Variants in OPN5 observed in about 807,000 individuals in gnomAD.
The protein encoded by OPN5 is opsin 5.
A neutral mutation model predicts 41.7 loss-of-function variants in OPN5; 18 were observed. The ratio of observed to expected loss-of-function variants is 0.43; its 90% CI spans 0.30 to 0.64. The LOEUF is 0.64. OPN5 is among the 30% of genes least tolerant of loss of function. The pLI, the probability that OPN5 is intolerant of heterozygous loss-of-function variation, is 0.13. For synonymous variants in OPN5, 178 were observed against 164.3 expected (o/e 1.08, Z -0.64); for missense variants, 318 against 434.5 (o/e 0.73, Z 2.38).
rs901095996 is a variant in OPN5, at chr6:47,801,552, T to TA, written c.756+5995dup. On this transcript the variant is annotated intron_variant, in intron 4 of 6. Transcript: ENST00000371211. ...ATGGGAAAGTTGAACTGTATTGCTTTAAAAAACCCCCAAAACCAATTAATT... is the reference window on the plus strand; with the variant it reads ...ATGGGAAAGTTGAACTGTATTGCTTTAAAAAAACCCCCAAAACCAATTAATT... 4.6e-5 allele frequency among the ~76,000 whole-genome samples: 7 copies of TA among 152,132 alleles called. No individual in the cohort carries two copies. In the East Asian group the frequency reaches 7.7e-4, roughly 17 times the overall value.
downstream of OPN5, chr6:47,825,501 C>G (rs1431543682): frequency 5.9e-5 from 9 of 152,124 alleles, no homozygotes; most frequent in Admixed American, 5.9e-4. Flanking sequence ...TCCCTGGCAG[C>G]TAGAAACCTT....
intron 4 of OPN5, among the ~76,000 whole-genome samples, chr6:47,797,731 A>G (rs1773622917): frequency 6.6e-6 from 1 of 152,060 alleles, no homozygotes; most frequent in Admixed American, 6.6e-5. Flanking sequence ...TCCATCCCCT[A>G]TTATGTCATT....
At chr6:47,806,883 C>A (rs542170119) in intron 4 of OPN5, among the ~76,000 whole-genome samples, 1 of 152,166 alleles carries the variant, frequency 6.6e-6, no homozygotes, top group East Asian at 1.9e-4. Context: ...GTAGGCCAGG[C>A]GCGATGGCTC....
intron 6 of OPN5, 137 bp from the exon 7 acceptor site, chr6:47,823,846 C>T: frequency 1.4e-6 from 1 of 707,622 alleles, no homozygotes; most frequent in Non-Finnish European, 2.6e-6. Context: ...GAAGCCATCT[C>T]AGTGACAATG....
At chr6:47,788,016 G>T (rs1773245583) in intron 2 of OPN5, among the ~76,000 whole-genome samples, 1 of 152,370 alleles carries the variant, frequency 6.6e-6, no homozygotes, top group South Asian at 2.1e-4. Context: ...GCACACAGCA[G>T]ATGTGTGCTT....
intron 3 of OPN5, among the ~76,000 whole-genome samples, chr6:47,794,123 T>G (rs1413645082): frequency 6.6e-6 from 1 of 152,214 alleles, no homozygotes; most frequent in Non-Finnish European, 1.5e-5. Context: ...CCTTACATTA[T>G]TTTATTTAAC....
chr6:47,797,545 G>A (rs988797072), intron 4 of OPN5, among the ~76,000 whole-genome samples: 4 of 151,972 alleles, frequency 2.6e-5, no homozygotes, highest in Non-Finnish European at 5.9e-5. Flanking sequence ...TTAGAAACTG[G>A]GCAAATGTAC....
chr6:47,795,614 A>G (rs778821663), intron 4 of OPN5, 51 bp downstream of exon 4: 1 of 1,282,968 alleles, frequency 7.8e-7, no homozygotes, highest in Non-Finnish European at 1.1e-6. Flanking sequence ...TTACAACTTC[A>G]TAGGGTACAA....
intron 4 of OPN5, among the ~76,000 whole-genome samples, chr6:47,807,457 G>A (rs1774016289): frequency 6.6e-6 from 1 of 152,164 alleles, no homozygotes; most frequent in South Asian, 2.1e-4. Context: ...AGAGACTTCT[G>A]AGGGTATTTA....
chr6:47,794,935 T>G (rs1773493959), intron 3 of OPN5: 1 of 312,240 alleles, frequency 3.2e-6, no homozygotes, highest in African/African-American at 2.1e-5. Flanking sequence ...GGGCCTCCAT[T>G]GTCTTCAGCA....
At chr6:47,791,295 TG>T (rs1773361790) in intron 2 of OPN5, among the ~76,000 whole-genome samples, 7 of 42,566 alleles carry the variant, frequency 1.6e-4, no homozygotes, top group Non-Finnish European at 4.4e-4. Context: ...CATCTATTTC[TG>T]GTAAAAAAAA....
chr6:47,799,534 G>T (rs990717890), intron 4 of OPN5, among the ~76,000 whole-genome samples: 2 of 152,010 alleles, frequency 1.3e-5, no homozygotes, highest in African/African-American at 4.8e-5. Flanking sequence ...AGTTTTCATG[G>T]GTCACTTTGC....
chr6:47,818,924 C>A (rs1334230597), intron 6 of OPN5, among the ~76,000 whole-genome samples: 1 of 151,990 alleles, frequency 6.6e-6, no homozygotes, highest in Non-Finnish European at 1.5e-5. Context: ...CTGAGACCAT[C>A]AATAAGCAAG....
intron 6 of OPN5, among the ~76,000 whole-genome samples, chr6:47,815,534 G>T (rs1172819820): frequency 6.6e-6 from 1 of 152,064 alleles, no homozygotes; most frequent in East Asian, 1.9e-4. Context: ...GAAGATATAT[G>T]TCATTAAAGT....
chr6:47,783,184 G>A (rs914575171), intron 1 of OPN5, among the ~76,000 whole-genome samples: 3 of 151,896 alleles, frequency 2.0e-5, no homozygotes, highest in African/African-American at 4.8e-5. Context: ...TAGACAGTTA[G>A]GATTTAATTT....
At chr6:47,782,279 A>T in intron 1 of OPN5, 83 bp downstream of exon 1, 2 of 1,369,326 alleles carry the variant, frequency 1.5e-6, no homozygotes, top group Non-Finnish European at 1.0e-6. Flanking sequence ...AAGGATTCTG[A>T]TACTTAAGTG....
chr6:47,821,451 A>G (rs1308990704), intron 6 of OPN5, among the ~76,000 whole-genome samples: 1 of 152,214 alleles, frequency 6.6e-6, no homozygotes, highest in African/African-American at 2.4e-5. Context: ...TTTGTGAGGA[A>G]GAGCACACTG....
At chr6:47,807,466 T>TAA (rs1774017910) in intron 4 of OPN5, among the ~76,000 whole-genome samples, 1 of 152,204 alleles carries the variant, frequency 6.6e-6, no homozygotes, top group African/African-American at 2.4e-5. Flanking sequence ...TGAGGGTATT[T>TAA]AAAACCCTAT....
chr6:47,811,872 G>A (rs1000658747), intron 6 of OPN5, 141 bp downstream of exon 6: 1 of 496,686 alleles, frequency 2.0e-6, no homozygotes, highest in Non-Finnish European at 3.5e-6. Flanking sequence ...CAAGCCAGGG[G>A]TTGCTGGGAA....
Sources: allele counts gnomAD v4.1 joint callset (sites outside exome capture counted in the v4.1 genomes callset), GRCh38; gene constraint gnomAD v4.1.1; transcripts MANE v1.5; gene names NCBI Gene and HGNC (gene_info 2026-07-23, HGNC 2026-07-21).